The following CATSPERG variants were observed in gnomAD, a reference collection of about 807,000 sequenced individuals.
The protein encoded by CATSPERG is catsper channel auxiliary subunit gamma.
In CATSPERG, 115 loss-of-function variants were observed where a neutral mutation model predicts 145.0. The observed-to-expected ratio is 0.79, with a 90% CI of 0.68 to 0.93. CATSPERG has a LOEUF of 0.93. Among genes scored for constraint, CATSPERG ranks in the 40% least tolerant of loss-of-function variants. CATSPERG has a pLI of 0.00. For missense variants in CATSPERG, 1,296 were observed against 1,490.1 expected (o/e 0.87, Z 2.14); for synonymous variants, 588 against 589.0 (o/e 1.00, Z 0.02).
At chr19:38,365,382 T>G (rs962754191) in intron 22 of CATSPERG, 6 of 407,466 alleles carry the variant, frequency 1.5e-5, no homozygotes, top group African/African-American at 4.0e-5. Context: ...GTGATTCTCC[T>G]GCCTCAGCCT....
At chr19:38,349,745 A>G (rs1187763459) in intron 7 of CATSPERG, 1 of 152,014 alleles carries the variant, frequency 6.6e-6, no homozygotes, top group Non-Finnish European at 1.5e-5. Flanking sequence ...GCTTACTGCA[A>G]CCTCTGCCTC....
Position 38,370,884 on chromosome 19 carries a change from CTT to C in CATSPERG, c.*94_*95del. 1.4e-6 allele frequency: 2 copies of C among 1,402,068 alleles called. No individual in the cohort carries two copies. Among genetic ancestry groups the C allele is most frequent in the Non-Finnish European group, 2.0e-6 (2 of 1,017,644 alleles). The allele number at this position is 1,402,068 out of a possible 1,614,324, so 86.9% of individuals were successfully genotyped here. On this transcript the variant is annotated 3_prime_UTR_variant, in exon 29 of 29. Transcript: ENST00000409235. ...AACCTGTCACCCAGCCCAGGCCTCT[CTT>C]TCTGTTTTGCTTGATGTTTACTTCT... is the stretch of plus-strand genomic sequence containing the variant.
chr19:38,343,574 C>A lies in CATSPERG; in HGVS notation c.325-6C>A. The A allele has an allele frequency of 2.6e-6, 4 of 1,544,502 alleles. No individual in the cohort carries two copies. Among genetic ancestry groups the A allele is most frequent in the Non-Finnish European group, 3.5e-6 (4 of 1,143,472 alleles). On this transcript the variant is annotated splice_region_variant and splice_polypyrimidine_tract_variant and intron_variant, in intron 3 of 28. Transcript: ENST00000409235. ...GGACACACTTGTGGGGCCATCTCACCCTCAGCCCTCTGAGGACCTGGTGCG... is the reference window on the plus strand; with the variant it reads ...GGACACACTTGTGGGGCCATCTCACACTCAGCCCTCTGAGGACCTGGTGCG...
At chr19:38,360,061 G>A (rs1328450824) in intron 14 of CATSPERG, 5 of 985,116 alleles carry the variant, frequency 5.1e-6, no homozygotes, top group Non-Finnish European at 6.0e-6. Context: ...GGGAGTGAAG[G>A]TTCCCTTCAG....
intron 11 of CATSPERG, 101 bp downstream of exon 11, chr19:38,356,962 G>A (rs1970255341): frequency 6.9e-7 from 1 of 1,456,680 alleles, no homozygotes; most frequent in South Asian, 1.3e-5. Flanking sequence ...GACAGAGGGA[G>A]GGCAACATTA....
In CATSPERG at chr19:38,370,090, C is replaced by T. The variant is rs774646516; in HGVS notation, c.3113+26C>T. On this transcript the variant is annotated intron_variant, in intron 27 of 28. Coordinates refer to ENST00000409235, the MANE Select transcript of CATSPERG (RefSeq NM_021185.5). ...GTGAGCCAGGCAAGTGGCCCAGGTG[C>T]GGGTCAGGGGCTGCCCATGGAATGC... The T allele has an allele frequency of 2.0e-5, 33 of 1,613,190 alleles. No homozygotes were observed. The Middle Eastern group carries it at 6.6e-4, about 32-fold the overall frequency.
chr19:38,368,144 G>A lies in CATSPERG; in HGVS notation c.3020+7G>A. 6.2e-7 allele frequency: 1 copy of A among 1,613,146 alleles called. No homozygotes were observed. Among genetic ancestry groups the A allele is most frequent in the Non-Finnish European group, 8.5e-7 (1 of 1,179,152 alleles). On this transcript the variant is annotated splice_region_variant and intron_variant, in intron 26 of 28. Transcript: ENST00000409235. ...ACGAGAGCCCAGGCATCGAGTGAGT[G>A]CGTAGCCTGGCCCCTCTTGGCCCCC...
intron 8 of CATSPERG, 151 bp from the exon 9 acceptor site, chr19:38,354,559 C>T: frequency 1.2e-6 from 1 of 852,432 alleles, no homozygotes; most frequent in Non-Finnish European, 1.8e-6. Context: ...AGCGGGTGCC[C>T]TCTGCCAGGT....
chr19:38,362,650 C>A, intron 19 of CATSPERG, 64 bp from the exon 20 acceptor site: 1 of 1,598,256 alleles, frequency 6.3e-7, no homozygotes, highest in Non-Finnish European at 8.6e-7. Flanking sequence ...GGGGCGGGGA[C>A]ACCATCGGAG....
intron 21 of CATSPERG, 28 bp downstream of exon 21, chr19:38,364,999 G>A (rs1193895177): frequency 1.2e-6 from 2 of 1,613,172 alleles, no homozygotes; most frequent in Admixed American, 3.3e-5. Flanking sequence ...AGGGGAGGGT[G>A]CAGGATGGTG....
intron 1 of CATSPERG, chr19:38,336,878 G>A: frequency 2.5e-6 from 1 of 401,000 alleles, no homozygotes; most frequent in Non-Finnish European, 4.7e-6. Context: ...CAGGGGTGTG[G>A]CCAGAAACAT....
intron 7 of CATSPERG, among the ~76,000 whole-genome samples, chr19:38,349,956 C>T (rs920824978): frequency 1.3e-5 from 2 of 152,188 alleles, no homozygotes; most frequent in African/African-American, 4.8e-5. Context: ...TGAGCCACCG[C>T]ACCCGGCCGT....
At chr19:38,338,081 G>T (rs547847092) in intron 3 of CATSPERG, among the ~76,000 whole-genome samples, 1 of 152,214 alleles carries the variant, frequency 6.6e-6, no homozygotes, top group East Asian at 1.9e-4. Flanking sequence ...AAGGCTGTCT[G>T]TGTACAGTTC....
chr19:38,368,312 C>T (rs2145115525), intron 26 of CATSPERG, among the ~76,000 whole-genome samples, 175 bp downstream of exon 26: 1 of 152,340 alleles, frequency 6.6e-6, no homozygotes, highest in South Asian at 2.1e-4. Context: ...AATGCTGCTC[C>T]CTCCGACTCT....
chr19:38,362,869 TTG>T (rs376158253), intron 20 of CATSPERG, 37 bp downstream of exon 20: 379 of 1,115,438 alleles, frequency 3.4e-4, no homozygotes, highest in Admixed American at 2.1e-3. Flanking sequence ...AAGGGAGGTT[TTG>T]TTTTTTTTTT....
chr19:38,369,840 G>A (rs998271702), intron 26 of CATSPERG, 132 bp from the exon 27 acceptor site: 22 of 808,400 alleles, frequency 2.7e-5, no homozygotes, highest in Non-Finnish European at 4.5e-5. Flanking sequence ...AGTGAATGAA[G>A]GAATGAATGA....
chr19:38,337,192 G>T, intron 1 of CATSPERG, 29 bp from the exon 2 acceptor site: 2 of 1,543,032 alleles, frequency 1.3e-6, no homozygotes, highest in Non-Finnish European at 1.8e-6. Flanking sequence ...GCTGTCCGGC[G>T]CGTGGGTGTT....
In CATSPERG at chr19:38,367,688, C is replaced by G; in HGVS notation, c.2842C>G (p.Leu948Val). 6.2e-7 allele frequency: 1 copy of G among 1,614,166 alleles called. No homozygotes were observed. Among genetic ancestry groups the G allele is most frequent in the African/African-American group, 1.3e-5 (1 of 75,028 alleles). The part of the protein sequence containing the change: ...DSGSFQGSYV[L>V]LVVGGGPTLD... ...CACTTCTGTCCCTGGTAGCTATGTTCTGCTGGTGGTGGGTGGCGGGCCCAC... is the reference window on the plus strand; with the variant it reads ...CACTTCTGTCCCTGGTAGCTATGTTGTGCTGGTGGTGGGTGGCGGGCCCAC... The change falls in exon 25 of 29, where the codon CTG becomes GTG. Residue 948 changes from leucine to valine, a missense_variant. Leu to Val is a conservative substitution (Grantham distance 32, BLOSUM62 1). Transcript: ENST00000409235.
rs1400570059 is a variant in CATSPERG at position 38,358,483 on chromosome 19, C to G, written c.1418C>G (p.Thr473Ser). 6.2e-7 allele frequency: 1 copy of G among 1,614,206 alleles called. No individual in the cohort carries two copies. Among genetic ancestry groups the G allele is most frequent in the Non-Finnish European group, 8.5e-7 (1 of 1,180,020 alleles). Residue 473 changes from threonine to serine, a missense_variant, in exon 13 of 29, where the codon ACT (threonine) becomes AGT (serine). Transcript: ENST00000409235. Reference sequence around the variant, plus strand: ...CTAGGGACAGAGTCCTACACCAGCACTGCAATGGCCCCCAAGGGCATCTTC... The same window carrying G: ...CTAGGGACAGAGTCCTACACCAGCAGTGCAATGGCCCCCAAGGGCATCTTC... ...MILGTESYTS[T>S]AMAPKGIFCN...
Sources: gnomAD v4.1 joint callset for allele counts (sites outside exome capture counted in the v4.1 genomes callset) on GRCh38, gnomAD v4.1.1 for gene constraint, MANE v1.5 for transcripts, NCBI Gene and HGNC (gene_info 2026-07-23, HGNC 2026-07-21) for gene names.